Variants in ROCK2 observed in about 807,000 individuals in gnomAD.
The protein encoded by ROCK2 is rho-associated protein kinase 2.
In ROCK2, 61 loss-of-function variants were observed where a neutral mutation model predicts 195.1. The observed-to-expected ratio is 0.31, with a 90% CI of 0.25 to 0.39. ROCK2 has a LOEUF of 0.39. Among genes scored for constraint, ROCK2 ranks in the 10% least tolerant of loss-of-function variants. The probability of loss-of-function intolerance (pLI) is 1.00; values close to 1 mark genes in which losing one functional copy is unlikely to be tolerated. For missense variants in ROCK2, 1,109 were observed against 1,637.4 expected (o/e 0.68, Z 5.57); for synonymous variants, 504 against 545.5 (o/e 0.92, Z 1.06).
chr2:11,283,474 T>C (rs1278496691), intron 3 of ROCK2, among the ~76,000 whole-genome samples: 2 of 142,866 alleles, frequency 1.4e-5, no homozygotes, highest in Non-Finnish European at 3.0e-5. Flanking sequence ...GGCAGGAGAA[T>C]GGCGTGAACC....
chr2:11,322,556 T>C (rs1668433866), intron 1 of ROCK2, among the ~76,000 whole-genome samples: 1 of 152,062 alleles, frequency 6.6e-6, no homozygotes, highest in African/African-American at 2.4e-5. Context: ...CCATTCTTAA[T>C]TCAGGGTGTT....
chr2:11,230,931 G>A (rs1231681651), intron 5 of ROCK2, among the ~76,000 whole-genome samples: 1 of 151,968 alleles, frequency 6.6e-6, no homozygotes, highest in Non-Finnish European at 1.5e-5. Flanking sequence ...TCTCTTTTCA[G>A]TAAATTCAGT....
chr2:11,277,319 A>G (rs1666859081), intron 3 of ROCK2, among the ~76,000 whole-genome samples: 1 of 152,208 alleles, frequency 6.6e-6, no homozygotes, highest in Non-Finnish European at 1.5e-5. Context: ...CCTTCTGGCA[A>G]CCACCAATCT....
rs1256519905 is a variant in ROCK2, at chr2:11,261,298, G to A, written c.325-11500C>T. 2.0e-5 allele frequency among the ~76,000 whole-genome samples: 3 copies of A among 152,330 alleles called. No homozygotes were observed. The East Asian group carries it at 5.8e-4, about 29-fold the overall frequency. On this transcript the variant is annotated intron_variant, in intron 3 of 32. Coordinates refer to ENST00000315872, the MANE Select transcript of ROCK2 (RefSeq NM_004850.5). ...ACCTTTATAATTCGTTAGCAGTCAT[G>A]TTACAAGTACCACAATAAAGTGCTA...
At chr2:11,331,678 G>A (rs1017846864) in intron 1 of ROCK2, among the ~76,000 whole-genome samples, 10 of 152,174 alleles carry the variant, frequency 6.6e-5, no homozygotes, top group Admixed American at 5.9e-4. Context: ...TGTAATCCCA[G>A]CACTTTGGGA....
At chr2:11,246,030 G>T (rs1665600655) in intron 4 of ROCK2, among the ~76,000 whole-genome samples, 1 of 152,080 alleles carries the variant, frequency 6.6e-6, no homozygotes, top group Admixed American at 6.6e-5. Flanking sequence ...TAACCAAGGA[G>T]GAATGATTGA....
In ROCK2 at chr2:11,201,344, A is replaced by T; in HGVS notation, c.2689T>A (p.Leu897Met). 6.2e-7 allele frequency: 1 copy of T among 1,613,140 alleles called. No individual in the cohort carries two copies. Among genetic ancestry groups the T allele is most frequent in the Non-Finnish European group, 8.5e-7 (1 of 1,179,334 alleles). ...CEEKTKLGKE[L>M]QQKKQELQDE... ...TGTAATTCCTGTTTCTTCTGCTGCA[A>T]TTCTTTACCAAGTTTGGTCTTTTCT... The change falls in exon 22 of 33, where the codon TTG becomes ATG. Residue 897 changes from leucine (L) to methionine (M), a missense_variant. Transcript: ENST00000315872. This position sits in a 1 kb window ranked among gnomAD's most constrained non-coding sequence, Gnocchi z 4.6.
At chr2:11,308,000 G>A (rs1211856220) in intron 1 of ROCK2, 1 of 1,527,800 alleles carries the variant, frequency 6.5e-7, no homozygotes, top group Non-Finnish European at 8.8e-7. Flanking sequence ...GGTAGGGGCA[G>A]GAGGGGACGG....
chr2:11,222,822 AG>A (rs1266845747), intron 7 of ROCK2, among the ~76,000 whole-genome samples: 1 of 152,156 alleles, frequency 6.6e-6, no homozygotes, highest in Non-Finnish European at 1.5e-5. Context: ...GTAGACCTTA[AG>A]GGGAAGTGCT....
At chr2:11,276,594 C>T (rs1666834630) in intron 3 of ROCK2, among the ~76,000 whole-genome samples, 1 of 152,190 alleles carries the variant, frequency 6.6e-6, no homozygotes, top group Non-Finnish European at 1.5e-5. Context: ...TTACCCAAAA[C>T]AACCTAGAGT....
At position 11,266,143 on chromosome 2, in the gene ROCK2, G is replaced by T. The variant is rs116326851; in HGVS notation, c.325-16345C>A. Among the ~76,000 whole-genome samples, 623 of 152,292 alleles carry T rather than the reference G, an allele frequency of 4.1e-3. 3 individuals are homozygous for T. Among genetic ancestry groups the T allele is most frequent in the African/African-American group, 0.014 (562 of 41,556 alleles). On this transcript the variant is annotated intron_variant, in intron 3 of 32. Coordinates refer to ENST00000315872, the MANE Select transcript of ROCK2 (RefSeq NM_004850.5). ...GGTTTTCAGGCGAAATAACATGAAT[G>T]GAGCTGGCATTTCCTATGGTAACAA... is the stretch of plus-strand genomic sequence containing the variant.
chr2:11,233,029 CAT>C (rs1665074034), intron 5 of ROCK2, among the ~76,000 whole-genome samples: 1 of 151,840 alleles, frequency 6.6e-6, no homozygotes, highest in Non-Finnish European at 1.5e-5. Flanking sequence ...GCCTAGGCAA[CAT>C]AGAGAGATAC....
intron 3 of ROCK2, among the ~76,000 whole-genome samples, chr2:11,270,492 C>T (rs547440099): frequency 6.6e-6 from 1 of 152,204 alleles, no homozygotes; most frequent in South Asian, 2.1e-4. Flanking sequence ...ACATATTTTA[C>T]ACCTTTTCTA....
intron 1 of ROCK2, among the ~76,000 whole-genome samples, chr2:11,338,490 T>C (rs538110177): frequency 6.6e-5 from 10 of 152,322 alleles, no homozygotes; most frequent in Non-Finnish European, 7.3e-5. Flanking sequence ...TATTAGGCAT[T>C]GTAAGTAATC....
At chr2:11,260,401 T>C (rs2148145303) in intron 3 of ROCK2, among the ~76,000 whole-genome samples, 2 of 130,938 alleles carry the variant, frequency 1.5e-5, no homozygotes, top group East Asian at 4.7e-4. Context: ...TGAGCTGAGA[T>C]CACACCATTG....
chr2:11,240,525 T>C (rs1052097636), intron 4 of ROCK2, among the ~76,000 whole-genome samples: 1 of 152,160 alleles, frequency 6.6e-6, no homozygotes, highest in African/African-American at 2.4e-5. Flanking sequence ...AAAGATAACA[T>C]ATTGTATGAT....
intron 1 of ROCK2, among the ~76,000 whole-genome samples, chr2:11,324,582 A>G (rs945373932): frequency 6.6e-6 from 1 of 152,242 alleles, no homozygotes. Flanking sequence ...AGACAATGGA[A>G]TATTATTCAG....
At position 11,324,480 on chromosome 2, in the gene ROCK2, C is replaced by G. The variant is rs148228874; in HGVS notation, c.141+19516G>C. Among the ~76,000 whole-genome samples the G allele has an allele frequency of 1.7e-3, 266 of 152,268 alleles. 3 individuals are homozygous for G. Among genetic ancestry groups the G allele is most frequent in the Non-Finnish European group, 2.8e-3 (188 of 68,018 alleles). ...TTATGTTCACACAAAAACCTGCACACAAACATTTATAGCAGCTTTATACAT... is the reference window on the plus strand; with the variant it reads ...TTATGTTCACACAAAAACCTGCACAGAAACATTTATAGCAGCTTTATACAT... On this transcript the variant is annotated intron_variant, in intron 1 of 32. Coordinates refer to ENST00000315872, the MANE Select transcript of ROCK2 (RefSeq NM_004850.5).
chr2:11,243,736 A>C (rs1405736512), intron 4 of ROCK2, among the ~76,000 whole-genome samples: 1 of 152,246 alleles, frequency 6.6e-6, no homozygotes, highest in African/African-American at 2.4e-5. Context: ...AGAAGAGCCC[A>C]GGAAGACACG....
Sources: allele counts gnomAD v4.1 joint callset (sites outside exome capture counted in the v4.1 genomes callset), GRCh38; gene constraint gnomAD v4.1.1; non-coding constraint Gnocchi (gnomAD v3.1); transcripts MANE v1.5; gene names NCBI Gene and HGNC (gene_info 2026-07-23, HGNC 2026-07-21).